Variants in KCNH3 observed in about 807,000 individuals in gnomAD.
KCNH3 encodes potassium voltage-gated channel subfamily H member 3.
KCNH3 carries 36 observed loss-of-function variants against 95.6 expected under a neutral mutation model. The observed-to-expected ratio is 0.38, with a 90% CI of 0.29 to 0.50. The LOEUF (loss-of-function observed/expected upper bound fraction) is 0.50, where lower values mean the gene tolerates loss of function less well. Ranked by LOEUF, KCNH3 falls within the 20% of genes least tolerant of loss-of-function variation. The pLI is 0.95. For synonymous variants in KCNH3, 620 were observed against 646.3 expected (o/e 0.96, Z 0.62); for missense variants, 1,030 against 1,484.1 (o/e 0.69, Z 5.03).
chr12:49,557,757 C>T lies in KCNH3; in HGVS notation c.3056C>T (p.Pro1019Leu). 6.2e-7 allele frequency: 1 copy of T among 1,612,988 alleles called. No homozygotes were observed. Among genetic ancestry groups the T allele is most frequent in the Non-Finnish European group, 8.5e-7 (1 of 1,179,668 alleles). Residue 1019 changes from proline to leucine, a missense_variant, in exon 15 of 15, where the codon CCT (proline) becomes CTT (leucine). Around this residue, in one of 9 missense-constraint regions of KCNH3, gnomAD observed 464 missense variants for 493.2 expected, o/e 0.94. Transcript: ENST00000257981. ...GAGCCCAGCACCCCTGCCTCCCCTC[C>T]TCCTTCTGAGGAAGGGGCTAGGACT... ...CSEPSTPASP[P>L]PSEEGARTGP...
intron 10 of KCNH3, 60 bp from the exon 11 acceptor site, chr12:49,554,277 C>A: frequency 7.2e-7 from 1 of 1,383,052 alleles, no homozygotes. Flanking sequence ...CTGCAGCCCC[C>A]TCTTCTCTCC....
At chr12:49,550,350 G>A in intron 10 of KCNH3, 21 bp downstream of exon 10, 3 of 1,584,844 alleles carry the variant, frequency 1.9e-6, no homozygotes, top group Non-Finnish European at 2.6e-6. Flanking sequence ...GTGGGAGAGA[G>A]GGCGTGGGGG....
chr12:49,550,043 T>TTGC, intron 9 of KCNH3, 37 bp from the exon 10 acceptor site: 30 of 1,299,492 alleles, frequency 2.3e-5, no homozygotes, highest in Non-Finnish European at 3.1e-5. Flanking sequence ...CTTCTGCCAC[T>TTGC]CCCAACCCCC....
At chr12:49,557,112 A>C (rs1445612927) in intron 13 of KCNH3, 71 bp from the exon 14 acceptor site, 1 of 1,442,564 alleles carries the variant, frequency 6.9e-7, no homozygotes. Context: ...AACTGGGGCA[A>C]GGCCTAGACC....
rs757600141 is a variant in KCNH3 at position 49,554,499 on chromosome 12, G to A, written c.2081G>A (p.Arg694His). Residue 694 changes from arginine to histidine, a missense_variant, in exon 11 of 15, where the codon CGT becomes CAT. Transcript: ENST00000257981. ...LYPEFAPRFS[R>H]GLRGELSYNL... ...CCCGAGTTTGCCCCGCGCTTCAGTCGTGGCCTCCGAGGGGAGCTCAGCTAC... is the reference window on the plus strand; with the variant it reads ...CCCGAGTTTGCCCCGCGCTTCAGTCATGGCCTCCGAGGGGAGCTCAGCTAC... 6.2e-6 allele frequency: 10 copies of A among 1,613,608 alleles called. No homozygotes were observed. Among genetic ancestry groups the A allele is most frequent in the African/African-American group, 5.3e-5 (4 of 74,948 alleles).
At chr12:49,547,745 G>A (rs1312236533) in intron 7 of KCNH3, among the ~76,000 whole-genome samples, 1 of 152,176 alleles carries the variant, frequency 6.6e-6, no homozygotes, top group East Asian at 1.9e-4. Context: ...TCTGTGCTGA[G>A]GTGGGAGGAG....
intron 9 of KCNH3, 29 bp downstream of exon 9, chr12:49,549,669 C>T: frequency 6.3e-7 from 1 of 1,587,448 alleles, no homozygotes; most frequent in Non-Finnish European, 8.6e-7. Context: ...GGCCTGCTAG[C>T]CTTTGCTCCC....
At chr12:49,543,230 C>G (rs1348402505) in intron 4 of KCNH3, 45 bp from the exon 5 acceptor site, 1 of 1,593,594 alleles carries the variant, frequency 6.3e-7, no homozygotes, top group African/African-American at 1.3e-5. Context: ...TCAGCCTGTG[C>G]CAATATTCTT....
At chr12:49,542,941 C>G (rs1363889365) in intron 4 of KCNH3, 102 bp downstream of exon 4, 1 of 1,401,728 alleles carries the variant, frequency 7.1e-7, no homozygotes, top group African/African-American at 1.4e-5. Flanking sequence ...AGGGGCCACC[C>G]AGGCCTTGCC....
At chr12:49,545,962 G>A (rs1938047951) in intron 7 of KCNH3, among the ~76,000 whole-genome samples, 1 of 152,034 alleles carries the variant, frequency 6.6e-6, no homozygotes, top group Non-Finnish European at 1.5e-5. Context: ...TGTGGTGTCA[G>A]CTGCTCTGGG....
intron 10 of KCNH3, among the ~76,000 whole-genome samples, chr12:49,553,297 A>C (rs966329623): frequency 1.3e-5 from 2 of 151,826 alleles, no homozygotes; most frequent in Non-Finnish European, 2.9e-5. Context: ...CACCACACCG[A>C]GCTTAATTTT....
intron 1 of KCNH3, 140 bp from the exon 2 acceptor site, chr12:49,540,759 T>C: frequency 1.6e-6 from 1 of 643,278 alleles, no homozygotes; most frequent in Non-Finnish European, 2.8e-6. Flanking sequence ...TTGCTATTCA[T>C]AAACAGCCCT....
At chr12:49,544,145 T>TACCAG in intron 6 of KCNH3, 30 bp from the exon 7 acceptor site, 1 of 818,376 alleles carries the variant, frequency 1.2e-6, no homozygotes, top group Non-Finnish European at 2.0e-6. Context: ...CTGACCTCCC[T>TACCAG]CCCTCCCTCC....
chr12:49,543,736 G>C (rs1351408981), intron 5 of KCNH3, 179 bp from the exon 6 acceptor site: 1 of 1,033,628 alleles, frequency 9.7e-7, no homozygotes, highest in African/African-American at 1.6e-5. Flanking sequence ...CCATAAAATA[G>C]ATTCCCCCTT....
At position 49,557,586 on chromosome 12, in the gene KCNH3, C is replaced by T. The variant is rs751340222; in HGVS notation, c.2885C>T (p.Pro962Leu). Reference protein sequence around the residue: ...PAGSVLSGTWPHPRPGPPPLM... With the variant: ...PAGSVLSGTWLHPRPGPPPLM... ...GGCTCTGTCTTGAGTGGGACTTGGCCCCACCCTCGTCCGGGGCCTCCTCCC... is the reference window on the plus strand; with the variant it reads ...GGCTCTGTCTTGAGTGGGACTTGGCTCCACCCTCGTCCGGGGCCTCCTCCC... The change falls in exon 15 of 15, where the codon CCC becomes CTC. Residue 962 changes from proline to leucine, a missense_variant. By Grantham distance (98) the Pro-to-Leu change is moderately conservative (BLOSUM62 -3). Transcript: ENST00000257981. 1.9e-6 allele frequency: 3 copies of T among 1,612,872 alleles called. No homozygotes were observed. The highest frequency in any genetic ancestry group is 2.5e-6 in the Non-Finnish European group (3 of 1,179,966).
Position 49,557,170 on chromosome 12 carries a change from C to A in KCNH3, c.2576-13C>A. 2 of 1,613,924 alleles carry A rather than the reference C, an allele frequency of 1.2e-6. No homozygotes were observed. Among genetic ancestry groups the A allele is most frequent in the Non-Finnish European group, 8.5e-7 (1 of 1,179,906 alleles). ...ACCAGCCCCAGCTGATAACCCCATC[C>A]TACTACCCACAGAGAGCGGCCTGCT... is the stretch of plus-strand genomic sequence containing the variant. On this transcript the variant is annotated splice_polypyrimidine_tract_variant and intron_variant, in intron 13 of 14. Coordinates refer to ENST00000257981, the MANE Select transcript of KCNH3 (RefSeq NM_012284.3).
chr12:49,544,145 T>TACCAAACCA, intron 6 of KCNH3, 30 bp from the exon 7 acceptor site: 7 of 818,338 alleles, frequency 8.6e-6, no homozygotes, highest in Non-Finnish European at 1.4e-5. Context: ...CTGACCTCCC[T>TACCAAACCA]CCCTCCCTCC....
At position 49,557,203 on chromosome 12, in the gene KCNH3, C is replaced by T. The variant is rs1592514755; in HGVS notation, c.2596C>T (p.Pro866Ser). 6.2e-7 allele frequency: 1 copy of T among 1,613,966 alleles called. No homozygotes were observed. The highest frequency in any genetic ancestry group is 2.2e-5 in the East Asian group (1 of 44,878). ...PGPESGLLTV[P>S]HGPSEARNTD... The stretch of plus-strand genomic sequence containing the variant: ...CACAGAGAGCGGCCTGCTCACTGTT[C>T]CCCATGGGCCCAGCGAGGCAAGGAA... Residue 866 changes from proline to serine, a missense_variant, in exon 14 of 15, where the codon CCC (proline) becomes TCC (serine). Physicochemically the swap from Pro to Ser is moderately conservative, Grantham distance 74. Transcript: ENST00000257981.
chr12:49,549,023 C>G lies in KCNH3; in HGVS notation c.1318C>G (p.Leu440Val). Residue 440 changes from leucine (L) to valine (V), a missense_variant, in exon 8 of 15, where the codon CTG becomes GTG. By Grantham distance (32) the Leu-to-Val change is conservative. Around this residue, in one of 9 missense-constraint regions of KCNH3, gnomAD observed 50 missense variants for 41.0 expected, o/e 1.22. Transcript: ENST00000257981. ...CAGCAGCGAGGCCAACGGGACGGGG[C>G]TGGAGCTGCTGGGCGGCCCGTCGCT... ...SSSSEANGTG[L>V]ELLGGPSLRS... is the part of the protein sequence containing the mutation. The G allele has an allele frequency of 6.2e-7, 1 of 1,611,942 alleles. No individual in the cohort carries two copies. The highest frequency in any genetic ancestry group is 8.5e-7 in the Non-Finnish European group (1 of 1,179,590).
Sources: allele counts gnomAD v4.1 joint callset (sites outside exome capture counted in the v4.1 genomes callset), GRCh38; gene constraint gnomAD v4.1.1; regional missense constraint gnomAD v4.1.1; transcripts MANE v1.5; gene names NCBI Gene and HGNC (gene_info 2026-07-23, HGNC 2026-07-21).